SMAP2: variants seen among roughly 807,000 people sequenced by gnomAD.
SMAP2 encodes the protein small ArfGAP2.
In SMAP2, 25 loss-of-function variants were observed where a neutral mutation model predicts 56.4. That is an observed-to-expected ratio of 0.44 (90% confidence interval 0.32 to 0.62). The LOEUF is 0.62. Among genes scored for constraint, SMAP2 ranks in the 20% least tolerant of loss-of-function variants. The pLI is 0.04. For missense variants in SMAP2, 388 were observed against 545.6 expected, an observed-to-expected ratio of 0.71 and a Z score of 2.88; for synonymous variants, 157 against 181.7, an observed-to-expected ratio of 0.86 and a Z score of 1.09.
rs368025668 is a variant in SMAP2, at chr1:40,412,796, G to A, written c.403-220G>A. Among the ~76,000 whole-genome samples the A allele has an allele frequency of 2.6e-4, 40 of 152,266 alleles. 1 individual carries two copies. In the East Asian group the frequency reaches 6.4e-3, roughly 24 times the overall value. On this transcript the variant is annotated intron_variant, in intron 4 of 9. Coordinates refer to ENST00000372718, the MANE Select transcript of SMAP2 (RefSeq NM_022733.3). The stretch of plus-strand genomic sequence containing the variant: ...TCATGAGTGGGTTAGGAGGGCGGGC[G>A]CCTAAGGTGTTTGGAAGACGCCTCG...
intron 1 of SMAP2, among the ~76,000 whole-genome samples, chr1:40,391,803 T>G (rs1644720233): frequency 1.3e-5 from 2 of 152,180 alleles, no homozygotes; most frequent in South Asian, 4.1e-4. Flanking sequence ...TGTTTTGTTT[T>G]GTTTTTGTTT....
intron 1 of SMAP2, among the ~76,000 whole-genome samples, chr1:40,382,463 A>C (rs1280466259): frequency 1.3e-5 from 2 of 152,224 alleles, no homozygotes; most frequent in Non-Finnish European, 2.9e-5. Context: ...CATATGCTTT[A>C]CACTGTAAGC....
chr1:40,398,389 G>T (rs1471960139), intron 1 of SMAP2, among the ~76,000 whole-genome samples: 1 of 146,154 alleles, frequency 6.8e-6, no homozygotes, highest in African/African-American at 2.5e-5. Context: ...TCACCACACC[G>T]AGCTCATTTA....
At chr1:40,393,465 A>T in intron 1 of SMAP2, 1 of 1,535,644 alleles carries the variant, frequency 6.5e-7, no homozygotes, top group South Asian at 1.2e-5. Flanking sequence ...TGTTTTGCAA[A>T]TAGAGGAAAT....
In SMAP2 at chr1:40,416,631, T is replaced by C. The variant is rs1190503333; in HGVS notation, c.848-149T>C. ...CATTGGTAAGCTATAGCAGGCCTCG[T>C]AGGGACTCTAACTACTTTGCTGTGT... On this transcript the variant is annotated intron_variant, in intron 8 of 9. Coordinates refer to ENST00000372718, the MANE Select transcript of SMAP2 (RefSeq NM_022733.3). 7.9e-6 allele frequency: 7 copies of C among 881,798 alleles called. No homozygotes were observed. In the Admixed American group the frequency reaches 1.7e-4, roughly 22 times the overall value. 54.6% of individuals were successfully genotyped at this position (881,798 alleles called of 1,614,324 possible). A position where few individuals can be genotyped will look rare whatever the true frequency, so the allele number is the denominator to read the frequency against.
chr1:40,418,774 T>C (rs1464004241), intron 9 of SMAP2, among the ~76,000 whole-genome samples: 1 of 152,212 alleles, frequency 6.6e-6, no homozygotes, highest in African/African-American at 2.4e-5. Context: ...CACTCAAGTG[T>C]ATGCAAGACA....
chr1:40,388,849 A>G (rs192404380), intron 1 of SMAP2, among the ~76,000 whole-genome samples: 21 of 152,290 alleles, frequency 1.4e-4, no homozygotes, highest in Admixed American at 1.2e-3. Flanking sequence ...ATGAGCTGCA[A>G]CACTCACCGC....
At chr1:40,354,248 A>G (rs191694365) in intron 1 of SMAP2, among the ~76,000 whole-genome samples, 3 of 152,250 alleles carry the variant, frequency 2.0e-5, no homozygotes, top group Admixed American at 2.0e-4. Context: ...CTTCAAATGG[A>G]ATAAAGACTG....
At chr1:40,395,549 G>A (rs1365556416) in intron 1 of SMAP2, among the ~76,000 whole-genome samples, 1 of 72,900 alleles carries the variant, frequency 1.4e-5, no homozygotes, top group Non-Finnish European at 2.8e-5. Context: ...AATAAAACAG[G>A]GCAGTAAGAT....
At chr1:40,384,504 C>T (rs139242360) in intron 1 of SMAP2, among the ~76,000 whole-genome samples, 138 of 152,308 alleles carry the variant, frequency 9.1e-4, no homozygotes, top group African/African-American at 3.2e-3. Flanking sequence ...GAGACAAGTT[C>T]AGCCCTTTCT....
intron 8 of SMAP2, 132 bp downstream of exon 8, chr1:40,416,473 A>G: frequency 1.0e-6 from 1 of 979,370 alleles, no homozygotes; most frequent in Non-Finnish European, 1.5e-6. Flanking sequence ...CCTGAACATG[A>G]CCAACGTATC....
At chr1:40,393,371 G>T in intron 1 of SMAP2, 1 of 1,535,320 alleles carries the variant, frequency 6.5e-7, no homozygotes, top group Non-Finnish European at 8.7e-7. Context: ...AGCAGGAGAG[G>T]CAGCAGAGCG....
Position 40,416,686 on chromosome 1 carries a change from GA to G in SMAP2, c.848-91del. Reference sequence around the variant, plus strand: ...AGCATTGTGAGTAGAGTAATCCTGAGAAATTCCAGCTGGAAAGGGTTAGCCA... The same window carrying G: ...AGCATTGTGAGTAGAGTAATCCTGAGAATTCCAGCTGGAAAGGGTTAGCCA... On this transcript the variant is annotated intron_variant, in intron 8 of 9. Coordinates refer to ENST00000372718, the MANE Select transcript of SMAP2 (RefSeq NM_022733.3). The G allele has an allele frequency of 2.3e-6, 3 of 1,294,858 alleles. No homozygotes were observed. In the South Asian group the frequency reaches 4.3e-5, roughly 19 times the overall value. 80.2% of individuals were successfully genotyped at this position (1,294,858 alleles called of 1,614,324 possible). A position where few individuals can be genotyped will look rare whatever the true frequency, so the allele number is the denominator to read the frequency against.
chr1:40,356,415 G>T (rs9726165), intron 1 of SMAP2, among the ~76,000 whole-genome samples: 25,062 of 133,036 alleles, frequency 0.19, 2,250 homozygotes, highest in African/African-American at 0.32. Context: ...GTTTTTTTTT[G>T]TTTTTTTTTT....
upstream of SMAP2, among the ~76,000 whole-genome samples, chr1:40,371,158 C>G (rs1019640120): frequency 6.6e-6 from 1 of 151,498 alleles, no homozygotes; most frequent in Non-Finnish European, 1.5e-5. Flanking sequence ...GGCGACAGAG[C>G]GAGACTCGGT....
intron 1 of SMAP2, among the ~76,000 whole-genome samples, chr1:40,395,143 A>C (rs1186492600): frequency 6.6e-6 from 1 of 152,122 alleles, no homozygotes; most frequent in Non-Finnish European, 1.5e-5. Flanking sequence ...CATAGCTTTG[A>C]ATGGGGTGAT....
At chr1:40,417,162 C>T (rs1644997063) in intron 9 of SMAP2, 66 bp downstream of exon 9, 1 of 1,158,804 alleles carries the variant, frequency 8.6e-7, no homozygotes, top group Non-Finnish European at 1.2e-6. Flanking sequence ...TCGGTTTGTA[C>T]CTCTCCACTA....
At chr1:40,419,032 A>T (rs1645016822) in intron 9 of SMAP2, among the ~76,000 whole-genome samples, 1 of 152,220 alleles carries the variant, frequency 6.6e-6, no homozygotes, top group South Asian at 2.1e-4. Context: ...CAAGCGTTGC[A>T]GAATATACAT....
Position 40,373,779 on chromosome 1 carries a change from G to C in SMAP2, c.-342G>C, listed in dbSNP as rs1313930932. 1 of 197,546 alleles carries C rather than the reference G, an allele frequency of 5.1e-6. No individual in the cohort carries two copies. Among genetic ancestry groups the C allele is most frequent in the African/African-American group, 2.4e-5 (1 of 42,482 alleles). 12.2% of individuals were successfully genotyped at this position (197,546 alleles called of 1,614,324 possible). A position where few individuals can be genotyped will look rare whatever the true frequency, so the allele number is the denominator to read the frequency against. ...TGCCAGGGAAACCGAGGCGCGGGAC[G>C]CAAGGCCAGCAGACAGGCCGGCCAG... On this transcript the variant is annotated 5_prime_UTR_variant, in exon 1 of 10. Coordinates refer to ENST00000372718, the MANE Select transcript of SMAP2 (RefSeq NM_022733.3).
Sources: gnomAD v4.1 joint callset for allele counts (sites outside exome capture counted in the v4.1 genomes callset) on GRCh38, gnomAD v4.1.1 for gene constraint, MANE v1.5 for transcripts, NCBI Gene and HGNC (gene_info 2026-07-23, HGNC 2026-07-21) for gene names.